Variants in TIAM1 observed in about 807,000 individuals in gnomAD.
The protein encoded by TIAM1 is rho guanine nucleotide exchange factor TIAM1.
Under a neutral mutation model 163.5 loss-of-function variants are expected in TIAM1, and 65 were observed. The ratio of observed to expected loss-of-function variants is 0.40; its 90% CI spans 0.33 to 0.49. TIAM1 has a LOEUF of 0.49. Among genes scored for constraint, TIAM1 ranks in the 20% least tolerant of loss-of-function variants. The pLI is 0.77. For missense variants in TIAM1, 1,789 were observed against 2,044.7 expected, an observed-to-expected ratio of 0.87 and a Z score of 2.41; for synonymous variants, 833 against 810.1, an observed-to-expected ratio of 1.03 and a Z score of -0.48.
intron 1 of TIAM1, among the ~76,000 whole-genome samples, chr21:31,496,066 C>T (rs1318314202): frequency 1.3e-5 from 2 of 152,248 alleles, no homozygotes; most frequent in African/African-American, 2.4e-5. Context: ...ATACTGCTGG[C>T]CTGCTCCTGT....
intron 2 of TIAM1, among the ~76,000 whole-genome samples, chr21:31,441,782 C>T (rs1230770823): frequency 6.6e-6 from 1 of 151,392 alleles, no homozygotes; most frequent in African/African-American, 2.4e-5. Context: ...AGCATGGTGG[C>T]TCATGCCTGT....
chr21:31,557,478 G>C (rs1273087036), intron 1 of TIAM1, among the ~76,000 whole-genome samples: 1 of 152,094 alleles, frequency 6.6e-6, no homozygotes, highest in Non-Finnish European at 1.5e-5. Flanking sequence ...TTACAGATGC[G>C]CAAACTGAGA....
At chr21:31,297,665 T>G (rs1472851884) in intron 2 of TIAM1, among the ~76,000 whole-genome samples, 1 of 152,212 alleles carries the variant, frequency 6.6e-6, no homozygotes, top group South Asian at 2.1e-4. Flanking sequence ...ATTACAGGCA[T>G]GAGCCACCGT....
intron 2 of TIAM1, among the ~76,000 whole-genome samples, chr21:31,363,683 A>G (rs2076447496): frequency 6.6e-6 from 1 of 152,110 alleles, no homozygotes; most frequent in East Asian, 1.9e-4. Context: ...TGAATGTCTT[A>G]GATTTTTCTC....
chr21:31,383,880 G>T (rs566783649), intron 2 of TIAM1, among the ~76,000 whole-genome samples: 1 of 152,292 alleles, frequency 6.6e-6, no homozygotes, highest in South Asian at 2.1e-4. Flanking sequence ...AACGGAAAAT[G>T]AAACGATGTT....
chr21:31,365,368 G>A (rs1355600958), intron 2 of TIAM1, among the ~76,000 whole-genome samples: 1 of 149,950 alleles, frequency 6.7e-6, no homozygotes, highest in East Asian at 2.0e-4. Flanking sequence ...GGCAGGGTCT[G>A]TGTCTCACTT....
chr21:31,174,740 C>T (rs1432363404), intron 15 of TIAM1, among the ~76,000 whole-genome samples: 2 of 152,216 alleles, frequency 1.3e-5, no homozygotes, highest in African/African-American at 4.8e-5. Flanking sequence ...CTCCACCTCC[C>T]GGGTTCAAGC....
In TIAM1 at chr21:31,505,606, G is replaced by A. The variant is rs920278053; in HGVS notation, c.-421-41571C>T. Among the ~76,000 whole-genome samples the A allele has an allele frequency of 1.4e-4, 21 of 152,160 alleles. 2 individuals carry two copies. Among genetic ancestry groups the A allele is most frequent in the African/African-American group, 4.8e-4 (20 of 41,504 alleles). ...GTAGACATTGCAGAGAATTGTGGGGGAAAAAATCAGTGGATCAGCATTACC... is the reference window on the plus strand; with the variant it reads ...GTAGACATTGCAGAGAATTGTGGGGAAAAAAATCAGTGGATCAGCATTACC... On this transcript the variant is annotated intron_variant, in intron 1 of 28. Transcript: ENST00000286827.
At chr21:31,412,305 G>A (rs530694686) in intron 2 of TIAM1, among the ~76,000 whole-genome samples, 2 of 152,272 alleles carry the variant, frequency 1.3e-5, no homozygotes, top group South Asian at 4.1e-4. Context: ...GGTAGATGAT[G>A]AGAAATTACT....
rs1299381120 is a variant in TIAM1, at chr21:31,451,754, TGTGTGTGA to T, written c.-369+12221_-369+12228del. Among the ~76,000 whole-genome samples, 512 of 140,800 alleles carry T rather than the reference TGTGTGTGA, an allele frequency of 3.6e-3. 8 individuals are homozygous for T. Among genetic ancestry groups the T allele is most frequent in the African/African-American group, 0.013 (464 of 36,726 alleles). The allele number at this position is 140,800 out of a possible 152,430, so 92.4% of individuals were successfully genotyped here. Reference sequence around the variant, plus strand: ...GTGTGTGTGTGTGTGTGTGTGTGTGTGTGTGTGAGACACAGAGAGAGAGAGAGAGAGAG... The same window carrying T: ...GTGTGTGTGTGTGTGTGTGTGTGTGTGACACAGAGAGAGAGAGAGAGAGAG... On this transcript the variant is annotated intron_variant, in intron 2 of 28. Coordinates refer to the TIAM1 transcript ENST00000286827.
intron 13 of TIAM1, among the ~76,000 whole-genome samples, chr21:31,187,685 C>T (rs1168663351): frequency 1.3e-5 from 2 of 152,132 alleles, no homozygotes; most frequent in Admixed American, 6.5e-5. Flanking sequence ...GCTCCCAGAG[C>T]TCAAAGCCAA....
chr21:31,225,813 A>C lies in TIAM1; in HGVS notation c.1722T>G (p.Ile574Met). Reference protein sequence around the residue: ...KSEIKKLEQKIDMDEKMKKMG... With the variant: ...KSEIKKLEQKMDMDEKMKKMG... ...TTTTCTTCATCTTTTCATCCATGTC[A>C]ATCTTCTGTTCCAGTTTTTTGATCT... is the stretch of plus-strand genomic sequence containing the variant. Residue 574 changes from isoleucine (I) to methionine (M), a missense_variant, in exon 7 of 28, where the codon ATT (isoleucine) becomes ATG (methionine). This residue lies in a region of TIAM1 where 456 missense variants were observed against 586.6 expected (regional missense o/e 0.78). Coordinates refer to ENST00000541036, the MANE Select transcript of TIAM1 (RefSeq NM_001353694.2). The C allele has an allele frequency of 6.2e-7, 1 of 1,614,126 alleles. No individual in the cohort carries two copies. The highest frequency in any genetic ancestry group is 8.5e-7 in the Non-Finnish European group (1 of 1,180,034).
At chr21:31,429,068 T>C (rs529198020) in intron 2 of TIAM1, among the ~76,000 whole-genome samples, 2 of 151,106 alleles carry the variant, frequency 1.3e-5, no homozygotes, top group Non-Finnish European at 2.9e-5. Context: ...GGTGCGATCA[T>C]GCCTCACTGC....
At chr21:31,341,219 G>C (rs932698106) in intron 1 of TIAM1, among the ~76,000 whole-genome samples, 10 of 152,098 alleles carry the variant, frequency 6.6e-5, no homozygotes, top group African/African-American at 2.2e-4. Flanking sequence ...CTCATTATAC[G>C]CTGAATTCAC....
intron 1 of TIAM1, among the ~76,000 whole-genome samples, chr21:31,543,702 T>G (rs947477867): frequency 6.6e-6 from 1 of 152,010 alleles, no homozygotes; most frequent in African/African-American, 2.4e-5. Context: ...ACAGGATATA[T>G]CCCCGAGGAG....
At chr21:31,401,933 G>T (rs1482627485) in intron 2 of TIAM1, among the ~76,000 whole-genome samples, 2 of 151,458 alleles carry the variant, frequency 1.3e-5, no homozygotes, top group African/African-American at 4.8e-5. Flanking sequence ...AAAAATTGGA[G>T]CCCGGGCATG....
chr21:31,141,355 C>T lies in TIAM1; in HGVS notation c.3625G>A (p.Ala1209Thr), dbSNP rs201843661. The change falls in exon 21 of 28, where the codon GCG (alanine) becomes ACG (threonine). Residue 1209 changes from alanine (A) to threonine (T), a missense_variant. By Grantham distance (58) the Ala-to-Thr change is moderately conservative (BLOSUM62 0). This residue lies in a region of TIAM1 where 60 missense variants were observed against 132.6 expected (regional missense o/e 0.45). Transcript: ENST00000541036. This position sits in a 1 kb window ranked among gnomAD's most constrained non-coding sequence, Gnocchi z 4.7. ...LLRELFALTDAESEEHYHLDV... is the reference protein window; with the variant it reads ...LLRELFALTDTESEEHYHLDV... The stretch of plus-strand genomic sequence containing the variant: ...AGGTGGTAGTGCTCCTCGCTCTCCG[C>T]ATCGGTCAGGGCGAACAGCTCCCTG... The T allele has an allele frequency of 8.6e-5, 139 of 1,614,210 alleles. No individual in the cohort carries two copies. In the African/African-American group the frequency reaches 1.6e-3, roughly 19 times the overall value.
chr21:31,424,031 C>T (rs1569318853), intron 2 of TIAM1, among the ~76,000 whole-genome samples: 1 of 152,088 alleles, frequency 6.6e-6, no homozygotes, highest in Non-Finnish European at 1.5e-5. Flanking sequence ...AATTATATCT[C>T]AATAAAGCTG....
chr21:31,381,771 G>A (rs546895988), intron 2 of TIAM1, among the ~76,000 whole-genome samples: 18 of 152,176 alleles, frequency 1.2e-4, no homozygotes, highest in African/African-American at 1.7e-4. Flanking sequence ...GGTCGAGGCT[G>A]CAGTGAGCCA....
Sources: allele counts gnomAD v4.1 joint callset (sites outside exome capture counted in the v4.1 genomes callset), GRCh38; gene constraint gnomAD v4.1.1; regional missense constraint gnomAD v4.1.1; non-coding constraint Gnocchi (gnomAD v3.1); transcripts MANE v1.5; gene names NCBI Gene and HGNC (gene_info 2026-07-23, HGNC 2026-07-21).